Variants in EPDR1 observed in about 807,000 individuals in gnomAD.
EPDR1 encodes ependymin related 1.
Under a neutral mutation model 23.7 loss-of-function variants are expected in EPDR1, and 27 were observed. The ratio of observed to expected loss-of-function variants is 1.14; its 90% CI spans 0.84 to 1.57. The LOEUF is 1.57. EPDR1 is among the 40% of genes most tolerant of loss of function. EPDR1 has a pLI of 0.00. For synonymous variants in EPDR1, 137 were observed against 118.2 expected (o/e 1.16, Z -1.03); for missense variants, 349 against 290.4 (o/e 1.20, Z -1.47).
intron 1 of EPDR1, among the ~76,000 whole-genome samples, chr7:37,938,364 T>C (rs1252097870): frequency 1.3e-5 from 2 of 152,116 alleles, no homozygotes; most frequent in Non-Finnish European, 2.9e-5. Flanking sequence ...AAGTGGATGA[T>C]TAATGATTTC....
rs1401832368 is a variant in EPDR1 at position 37,951,544 on chromosome 7, C to A, written c.*1148C>A. The A allele has an allele frequency of 6.6e-6, 1 of 152,226 alleles. No homozygotes were observed. Among genetic ancestry groups the A allele is most frequent in the Middle Eastern group, 3.2e-3 (1 of 316 alleles). The allele number at this position is 152,226 out of a possible 1,614,324, so 9.4% of individuals were successfully genotyped here. A position where few individuals can be genotyped will look rare whatever the true frequency, so the allele number is the denominator to read the frequency against. ...TATGTTTACTTTTATATCCCTAGCA[C>A]AAAGCAAGTGCCTGGCACATAGTCA... On this transcript the variant is annotated 3_prime_UTR_variant, in exon 3 of 3. Transcript: ENST00000199448.
chr7:37,934,682 G>A (rs373040958), intron 1 of EPDR1, among the ~76,000 whole-genome samples: 1 of 152,162 alleles, frequency 6.6e-6, no homozygotes, highest in Non-Finnish European at 1.5e-5. Context: ...GGTGGTTCAT[G>A]CCTGTAATAC....
Position 37,925,691 on chromosome 7 carries a change from C to T in EPDR1, c.269+4483C>T, listed in dbSNP as rs1327467256. ...CAATAAGGTCCTCAACATTGCAGAACCTCTGTGTTTTTCATCTTTTAATTT... is the reference window on the plus strand; with the variant it reads ...CAATAAGGTCCTCAACATTGCAGAATCTCTGTGTTTTTCATCTTTTAATTT... On this transcript the variant is annotated intron_variant, in intron 1 of 2. Transcript: ENST00000199448. Among the ~76,000 whole-genome samples, 4 of 152,232 alleles carry T rather than the reference C, an allele frequency of 2.6e-5. No homozygotes were observed. The South Asian group carries it at 8.3e-4, about 32-fold the overall frequency.
Position 37,928,389 on chromosome 7 carries a change from C to T in EPDR1, c.269+7181C>T, listed in dbSNP as rs965435584. ...CCTTAACATTTTCTTTTATTTTACCCATCTTTAAATAAAAAAAAAAAACTT... is the reference window on the plus strand; with the variant it reads ...CCTTAACATTTTCTTTTATTTTACCTATCTTTAAATAAAAAAAAAAAACTT... On this transcript the variant is annotated intron_variant, in intron 1 of 2. Transcript: ENST00000199448. Among the ~76,000 whole-genome samples the T allele has an allele frequency of 9.1e-5, 13 of 143,118 alleles. 1 individual carries two copies. Among genetic ancestry groups the T allele is most frequent in the East Asian group, 6.1e-4 (3 of 4,918 alleles). 93.9% of individuals were successfully genotyped at this position (143,118 alleles called of 152,430 possible).
intron 1 of EPDR1, 151 bp from the exon 2 acceptor site, chr7:37,948,689 T>C (rs1545442): frequency 0.17 from 108,407 of 622,254 alleles, 10,591 homozygotes; most frequent in South Asian, 0.31. Flanking sequence ...GGTTGTTTCA[T>C]GTGCCTAGTG....
intron 1 of EPDR1, among the ~76,000 whole-genome samples, chr7:37,948,088 C>G (rs569343521): frequency 6.6e-4 from 100 of 152,332 alleles, no homozygotes; most frequent in African/African-American, 2.3e-3. Flanking sequence ...CACAGGCACT[C>G]GGTCCATCCA....
chr7:37,921,370 T>A, intron 1 of EPDR1, 162 bp downstream of exon 1: 1 of 1,403,530 alleles, frequency 7.1e-7, no homozygotes, highest in South Asian at 1.6e-5. Context: ...GATAGCATGG[T>A]CCGGGACTGG....
chr7:37,921,203 C>A lies in EPDR1; in HGVS notation c.264C>A (p.Cys88Ter). Residue 88 changes from cysteine to a stop codon, truncating the protein, a stop_gained, in exon 1 of 3, where the codon TGC becomes TGA. Transcript: ENST00000199448. LOFTEE classifies it high-confidence loss of function. ...VLDERKALIP[C>*]KRLFEYILLY... Reference sequence around the variant, plus strand: ...ACGAGAGGAAGGCGCTGATCCCCTGCAAGAGGTACAGGTCATCGGCCCGCG... The same window carrying A: ...ACGAGAGGAAGGCGCTGATCCCCTGAAAGAGGTACAGGTCATCGGCCCGCG... 6.3e-7 allele frequency: 1 copy of A among 1,587,782 alleles called. No individual in the cohort carries two copies. Among genetic ancestry groups the A allele is most frequent in the Non-Finnish European group, 8.5e-7 (1 of 1,175,672 alleles).
chr7:37,933,878 G>T (rs568969571), intron 1 of EPDR1, among the ~76,000 whole-genome samples: 1 of 152,038 alleles, frequency 6.6e-6, no homozygotes, highest in South Asian at 2.1e-4. Context: ...AAGAATATTC[G>T]TTGTTTACTC....
rs117256630 is a variant in EPDR1 at position 37,944,588 on chromosome 7, G to A, written c.270-4252G>A. 5.4e-3 allele frequency among the ~76,000 whole-genome samples: 826 copies of A among 152,322 alleles called. 6 individuals carry two copies. The highest frequency in any genetic ancestry group is 9.1e-3 in the Non-Finnish European group (622 of 68,034). ...AGAGCAAAGGGACTTCTTACGTGGTGGCAGGCAAGAGAGAGCTTATGCAGG... is the reference window on the plus strand; with the variant it reads ...AGAGCAAAGGGACTTCTTACGTGGTAGCAGGCAAGAGAGAGCTTATGCAGG... On this transcript the variant is annotated intron_variant, in intron 1 of 2. Coordinates refer to ENST00000199448, the MANE Select transcript of EPDR1 (RefSeq NM_017549.5).
chr7:37,948,271 T>A (rs1786321749), intron 1 of EPDR1, among the ~76,000 whole-genome samples: 4 of 152,042 alleles, frequency 2.6e-5, no homozygotes, highest in Admixed American at 2.6e-4. Flanking sequence ...GTTTGTATGC[T>A]AAGCACAGGG....
intron 1 of EPDR1, among the ~76,000 whole-genome samples, chr7:37,943,143 C>T (rs1271864443): frequency 6.6e-6 from 1 of 152,214 alleles, no homozygotes; most frequent in East Asian, 1.9e-4. Context: ...GGTGCCTGGC[C>T]AGCAAGGAGG....
Position 37,921,092 on chromosome 7 carries a change from C to T in EPDR1, c.153C>T (p.Arg51=). The T allele has an allele frequency of 6.3e-7, 1 of 1,585,452 alleles. No homozygotes were observed. Among genetic ancestry groups the T allele is most frequent in the South Asian group, 1.1e-5 (1 of 89,458 alleles). ...PCQAPQQWEG[R]QVMYQQSSGR... ...AGGCGCCGCAGCAGTGGGAGGGGCG[C>T]CAGGTTATGTACCAGCAAAGTAGCG... The change falls in exon 1 of 3, where the codon CGC becomes CGT. Residue 51 remains arginine (R), a synonymous_variant. Coordinates refer to ENST00000199448, the MANE Select transcript of EPDR1 (RefSeq NM_017549.5).
intron 1 of EPDR1, among the ~76,000 whole-genome samples, chr7:37,933,976 C>CTTTTTT (rs576903776): frequency 1.5e-5 from 2 of 133,376 alleles, no homozygotes; most frequent in Non-Finnish European, 1.6e-5. Flanking sequence ...TTCTGCCATT[C>CTTTTTT]TTTTTTTTTT....
At chr7:37,935,437 C>T (rs772388422) in intron 1 of EPDR1, among the ~76,000 whole-genome samples, 4 of 152,140 alleles carry the variant, frequency 2.6e-5, no homozygotes, top group Non-Finnish European at 5.9e-5. Context: ...GATTTTCCTG[C>T]CATGGTTATG....
chr7:37,942,163 C>T (rs1324260337), intron 1 of EPDR1, among the ~76,000 whole-genome samples: 2 of 152,074 alleles, frequency 1.3e-5, no homozygotes, highest in African/African-American at 2.4e-5. Flanking sequence ...AATGTTTGTA[C>T]ACCTATGTTT....
At chr7:37,927,697 G>T (rs762526182) in intron 1 of EPDR1, among the ~76,000 whole-genome samples, 3 of 152,204 alleles carry the variant, frequency 2.0e-5, no homozygotes, top group Non-Finnish European at 4.4e-5. Context: ...CTAATATAAA[G>T]TGCTCAATAA....
intron 2 of EPDR1, 96 bp from the exon 3 acceptor site, chr7:37,950,104 T>C: frequency 1.1e-6 from 1 of 899,872 alleles, no homozygotes; most frequent in Non-Finnish European, 1.6e-6. Context: ...GGTAAAATGG[T>C]AAATTTTATG....
At chr7:37,921,268 G>A (rs1785693440) in intron 1 of EPDR1, 60 bp downstream of exon 1, 4 of 1,521,136 alleles carry the variant, frequency 2.6e-6, no homozygotes, top group East Asian at 2.4e-5. Context: ...GGGAGGGCGA[G>A]GTCGCAGAGG....
Sources: allele counts gnomAD v4.1 joint callset (sites outside exome capture counted in the v4.1 genomes callset), GRCh38; gene constraint gnomAD v4.1.1; transcripts MANE v1.5; gene names NCBI Gene and HGNC (gene_info 2026-07-23, HGNC 2026-07-21).